Variants in RAF1 observed in about 807,000 individuals in gnomAD.
The protein encoded by RAF1 is Raf-1 proto-oncogene, serine/threonine kinase.
RAF1 carries 27 observed loss-of-function variants against 81.1 expected under a neutral mutation model. The observed-to-expected ratio is 0.33, with a 90% CI of 0.25 to 0.46. The LOEUF (loss-of-function observed/expected upper bound fraction) is 0.46, where lower values mean the gene tolerates loss of function less well. RAF1 is among the 20% of genes least tolerant of loss of function. The pLI, the probability that RAF1 is intolerant of heterozygous loss-of-function variation, is 1.00. For missense variants in RAF1, 598 were observed against 826.0 expected (o/e 0.72, Z 3.38); for synonymous variants, 298 against 294.0 (o/e 1.01, Z -0.14).
chr3:12,609,645 T>TA (rs1037672203), intron 3 of RAF1, among the ~76,000 whole-genome samples: 17 of 152,144 alleles, frequency 1.1e-4, no homozygotes, highest in African/African-American at 3.1e-4. Context: ...TTTATTTACT[T>TA]AAAAAAATGT....
chr3:12,651,957 C>A (rs1216659753), intron 1 of RAF1, among the ~76,000 whole-genome samples: 1 of 151,008 alleles, frequency 6.6e-6, no homozygotes, highest in South Asian at 2.1e-4. Context: ...TGTGGTGAGC[C>A]GAGATCGCGC....
At chr3:12,655,231 C>T (rs1397232510) in intron 1 of RAF1, among the ~76,000 whole-genome samples, 4 of 152,156 alleles carry the variant, frequency 2.6e-5, no homozygotes, top group Admixed American at 6.6e-5. Flanking sequence ...TACAGGCATG[C>T]GCCAACAAGC....
intron 1 of RAF1, among the ~76,000 whole-genome samples, chr3:12,647,685 G>A (rs938909894): frequency 1.3e-5 from 2 of 152,172 alleles, no homozygotes; most frequent in African/African-American, 4.8e-5. Flanking sequence ...AAAAGTTTCT[G>A]CTGAGCAAAT....
chr3:12,594,119 G>A (rs2058612558), intron 11 of RAF1, among the ~76,000 whole-genome samples: 1 of 152,134 alleles, frequency 6.6e-6, no homozygotes, highest in African/African-American at 2.4e-5. Flanking sequence ...GAGAGAAAGA[G>A]GGAGACCAGA....
intron 1 of RAF1, among the ~76,000 whole-genome samples, chr3:12,640,430 C>A (rs1163833116): frequency 6.7e-6 from 1 of 150,282 alleles, no homozygotes; most frequent in South Asian, 2.1e-4. Flanking sequence ...AGTGAACACG[C>A]AACCTACAGA....
intron 13 of RAF1, chr3:12,589,784 TTTTTTTGGG>T (rs1458830472): frequency 1.4e-5 from 2 of 138,080 alleles, no homozygotes; most frequent in African/African-American, 5.4e-5. Context: ...AAAAGTGTGG[TTTTTTTGGG>T]TTTTTTTTTT....
At position 12,600,816 on chromosome 3, in the gene RAF1, C is replaced by G. The variant is rs1413926713; in HGVS notation, c.895-401G>C. Among the ~76,000 whole-genome samples the G allele has an allele frequency of 2.6e-5, 4 of 152,236 alleles. No individual in the cohort carries two copies. The East Asian group carries it at 7.7e-4, about 29-fold the overall frequency. On this transcript the variant is annotated intron_variant, in intron 8 of 17. Coordinates refer to ENST00000442415, the MANE Select transcript of RAF1 (RefSeq NM_001354689.3). ...ACCTGAGGTGATCCTCTCGCCTCGG[C>G]CTCCCAAAGTGCTGGGATTACAGGC...
At chr3:12,618,113 T>C (rs1369736427) in intron 2 of RAF1, among the ~76,000 whole-genome samples, 1 of 152,162 alleles carries the variant, frequency 6.6e-6, no homozygotes, top group Admixed American at 6.5e-5. Flanking sequence ...TATGTAACTT[T>C]ACTTTCTTCT....
chr3:12,598,197 G>A (rs537790133), intron 11 of RAF1, among the ~76,000 whole-genome samples: 3 of 151,574 alleles, frequency 2.0e-5, no homozygotes, highest in Non-Finnish European at 2.9e-5. Context: ...TTTTGGTAGA[G>A]ATGGGGTTTC....
At chr3:12,616,376 C>T (rs1231287527) in intron 2 of RAF1, among the ~76,000 whole-genome samples, 1 of 152,170 alleles carries the variant, frequency 6.6e-6, no homozygotes, top group African/African-American at 2.4e-5. Flanking sequence ...ACACACACTT[C>T]CTATCTGACT....
intron 1 of RAF1, 47 bp from the exon 2 acceptor site, chr3:12,618,794 A>T: frequency 7.3e-7 from 1 of 1,371,560 alleles, no homozygotes; most frequent in Non-Finnish European, 1.0e-6. Flanking sequence ...AAAGTATTCA[A>T]CCCAAGAACA....
At chr3:12,638,703 T>C (rs1302084274) in intron 1 of RAF1, among the ~76,000 whole-genome samples, 1 of 152,148 alleles carries the variant, frequency 6.6e-6, no homozygotes, top group Non-Finnish European at 1.5e-5. Flanking sequence ...TGTACACTGC[T>C]GAAAATAAAG....
At chr3:12,645,112 A>AT (rs1398445872) in intron 1 of RAF1, among the ~76,000 whole-genome samples, 1 of 151,718 alleles carries the variant, frequency 6.6e-6, no homozygotes, top group African/African-American at 2.4e-5. Context: ...AAAAAAAAAA[A>AT]AAAAAAAAAT....
At chr3:12,641,810 G>A (rs1434004333) in intron 1 of RAF1, among the ~76,000 whole-genome samples, 1 of 152,014 alleles carries the variant, frequency 6.6e-6, no homozygotes, top group Non-Finnish European at 1.5e-5. Flanking sequence ...GCTTTCTTAA[G>A]TGTAACTACG....
At chr3:12,636,547 T>A (rs1021827977) in intron 1 of RAF1, among the ~76,000 whole-genome samples, 2 of 151,432 alleles carry the variant, frequency 1.3e-5, no homozygotes, top group Admixed American at 1.3e-4. Context: ...GGCTCATGCC[T>A]GTAATCCCAG....
intron 1 of RAF1, among the ~76,000 whole-genome samples, chr3:12,643,365 T>C (rs2060248685): frequency 6.6e-6 from 1 of 151,816 alleles, no homozygotes; most frequent in South Asian, 2.1e-4. Flanking sequence ...CACTCTTGGG[T>C]ATGCAAACAT....
In RAF1 at chr3:12,584,634, G is replaced by A. The variant is rs1348454083; in HGVS notation, c.1887C>T (p.Leu629=). 2 of 1,614,016 alleles carry A rather than the reference G, an allele frequency of 1.2e-6. No individual in the cohort carries two copies. Among genetic ancestry groups the A allele is most frequent in the Non-Finnish European group, 1.7e-6 (2 of 1,180,036 alleles). ...GGTTGATCTTCGGTAGAGAGTGTTG[G>A]AGCAGCTCAATGGAAGACAGGATCT... is the stretch of plus-strand genomic sequence containing the variant. Residue 629 remains leucine, a synonymous_variant, in exon 18 of 18, where the codon CTC becomes CTT. Transcript: ENST00000442415.
At chr3:12,591,266 G>A (rs986258395) in intron 12 of RAF1, among the ~76,000 whole-genome samples, 2 of 152,092 alleles carry the variant, frequency 1.3e-5, no homozygotes, top group African/African-American at 2.4e-5. Context: ...AGGTCACAAG[G>A]ACTCCTTGTA....
chr3:12,607,973 A>AAAAG (rs869249193), intron 5 of RAF1, among the ~76,000 whole-genome samples: 2 of 137,702 alleles, frequency 1.5e-5, no homozygotes, highest in Non-Finnish European at 3.2e-5. Context: ...AAAAAAAAAA[A>AAAAG]GGGTGGGGGA....
Sources: allele counts gnomAD v4.1 joint callset (sites outside exome capture counted in the v4.1 genomes callset), GRCh38; gene constraint gnomAD v4.1.1; transcripts MANE v1.5; gene names NCBI Gene and HGNC (gene_info 2026-07-23, HGNC 2026-07-21).